The following GRK4 variants were observed in gnomAD, a reference collection of about 807,000 sequenced individuals.
GRK4 encodes G protein-coupled receptor kinase 2-like.
A neutral mutation model predicts 77.9 loss-of-function variants in GRK4; 73 were observed. The observed-to-expected ratio is 0.94, with a 90% CI of 0.78 to 1.14. The LOEUF is 1.14. Ranked by LOEUF, GRK4 falls within the 50% of genes most tolerant of loss-of-function variation. The pLI is 0.00. For missense variants in GRK4, 729 were observed against 700.2 expected, an observed-to-expected ratio of 1.04 and a Z score of -0.46; for synonymous variants, 257 against 254.4, an observed-to-expected ratio of 1.01 and a Z score of -0.10.
In GRK4 at chr4:3,001,354, CAT is replaced by C. The variant is rs1265017845; in HGVS notation, c.340-2862_340-2861del. 9.2e-4 allele frequency among the ~76,000 whole-genome samples: 95 copies of C among 103,310 alleles called. 6 individuals are homozygous for C. Among genetic ancestry groups the C allele is most frequent in the East Asian group, 2.8e-3 (12 of 4,328 alleles). The allele number at this position is 103,310 out of a possible 152,430, so 67.8% of individuals were successfully genotyped here. On this transcript the variant is annotated intron_variant, in intron 4 of 15. Transcript: ENST00000398052. ...ACACACACACACACACACACACACA[CAT>C]ATATATATATATATTTTTTTTTTTT... is the stretch of plus-strand genomic sequence containing the variant.
intron 9 of GRK4, among the ~76,000 whole-genome samples, chr4:3,021,891 T>A (rs1736190643): frequency 6.6e-6 from 1 of 152,178 alleles, no homozygotes; most frequent in Non-Finnish European, 1.5e-5. Flanking sequence ...GGCTGCACCA[T>A]GTCTGCCCCA....
intron 5 of GRK4, among the ~76,000 whole-genome samples, chr4:3,005,461 G>A (rs564313925): frequency 8.0e-4 from 122 of 152,290 alleles, no homozygotes; most frequent in Non-Finnish European, 1.5e-3. Context: ...TCCGAGCATA[G>A]TGGGGCTGGG....
In GRK4 at chr4:3,022,460, G is replaced by C; in HGVS notation, c.970+9G>C. 1 of 1,613,506 alleles carries C rather than the reference G, an allele frequency of 6.2e-7. No homozygotes were observed. Among genetic ancestry groups the C allele is most frequent in the African/African-American group, 1.3e-5 (1 of 75,012 alleles). ...TCTCCTTGATGATCGTGGTAAGTGGGCAAGCCTTTCACATCTAATGGGTAG... is the reference window on the plus strand; with the variant it reads ...TCTCCTTGATGATCGTGGTAAGTGGCCAAGCCTTTCACATCTAATGGGTAG... On this transcript the variant is annotated intron_variant, in intron 10 of 15. Coordinates refer to ENST00000398052, the MANE Select transcript of GRK4 (RefSeq NM_182982.3).
intron 7 of GRK4, among the ~76,000 whole-genome samples, chr4:3,012,358 G>A (rs1014579444): frequency 6.6e-6 from 1 of 152,174 alleles, no homozygotes; most frequent in African/African-American, 2.4e-5. Context: ...GCCATGAAAG[G>A]CTGGAGTGGT....
intron 10 of GRK4, among the ~76,000 whole-genome samples, chr4:3,026,192 C>A (rs1737510416): frequency 6.6e-6 from 1 of 152,172 alleles, no homozygotes; most frequent in African/African-American, 2.4e-5. Flanking sequence ...AGATTCCGCT[C>A]CAGGGTGTTT....
At chr4:3,012,911 G>A (rs1246186431) in intron 7 of GRK4, among the ~76,000 whole-genome samples, 1 of 151,982 alleles carries the variant, frequency 6.6e-6, no homozygotes, top group African/African-American at 2.4e-5. Flanking sequence ...GAAGGCCAAA[G>A]TGGGCAGATC....
In GRK4 at chr4:3,040,691, C is replaced by A; in HGVS notation, c.*66C>A. 7.4e-7 allele frequency: 1 copy of A among 1,347,698 alleles called. No individual in the cohort carries two copies. Among genetic ancestry groups the A allele is most frequent in the Non-Finnish European group, 1.0e-6 (1 of 953,348 alleles). 83.5% of individuals were successfully genotyped at this position (1,347,698 alleles called of 1,614,324 possible). ...AAGGAGCATGTGTTAGCGTCTCGTC[C>A]CACCTGGAATTGTAATAAATACATC... On this transcript the variant is annotated 3_prime_UTR_variant, in exon 16 of 16. Transcript: ENST00000398052.
chr4:2,979,830 G>A (rs1483531823), intron 1 of GRK4, among the ~76,000 whole-genome samples: 4 of 152,186 alleles, frequency 2.6e-5, no homozygotes, highest in Non-Finnish European at 5.9e-5. Context: ...AGTGAGACTT[G>A]CATTCTGCAT....
chr4:3,010,634 C>T (rs145730529), intron 7 of GRK4, among the ~76,000 whole-genome samples: 146 of 152,218 alleles, frequency 9.6e-4, no homozygotes, highest in African/African-American at 3.2e-3. Context: ...TATTAATTAC[C>T]TTACTAGTTA....
intron 1 of GRK4, chr4:2,965,382 A>T (rs1560328294): frequency 1.4e-6 from 1 of 702,884 alleles, no homozygotes; most frequent in African/African-American, 1.7e-5. Context: ...AGAGCCTCGG[A>T]CCTCAAGTCC....
At chr4:2,973,669 C>G (rs1053445815) in intron 1 of GRK4, among the ~76,000 whole-genome samples, 3 of 152,344 alleles carry the variant, frequency 2.0e-5, no homozygotes, top group African/African-American at 4.8e-5. Context: ...TTTCTCACCT[C>G]CTCCACTGCT....
At chr4:3,004,954 C>T (rs950582982) in intron 5 of GRK4, among the ~76,000 whole-genome samples, 1 of 151,932 alleles carries the variant, frequency 6.6e-6, no homozygotes, top group African/African-American at 2.4e-5. Context: ...CATGTACACA[C>T]GAGGCACACT....
rs762680427 is a variant in GRK4, at chr4:3,027,929, G to C, written c.988G>C (p.Asp330His). 1 of 1,614,074 alleles carries C rather than the reference G, an allele frequency of 6.2e-7. No homozygotes were observed. Among genetic ancestry groups the C allele is most frequent in the Non-Finnish European group, 8.5e-7 (1 of 1,180,008 alleles). Residue 330 changes from aspartate to histidine, a missense_variant, in exon 11 of 16, where the codon GAC becomes CAC. Transcript: ENST00000398052. Reference sequence around the variant, plus strand: ...ACACACAGGACACATCCGGATTTCAGACCTCGGTTTGGCCACAGAGATCCC... The same window carrying C: ...ACACACAGGACACATCCGGATTTCACACCTCGGTTTGGCCACAGAGATCCC... ...LDDRGHIRIS[D>H]LGLATEIPEG...
intron 12 of GRK4, among the ~76,000 whole-genome samples, chr4:3,030,354 C>A (rs2110056785): frequency 6.6e-6 from 1 of 152,310 alleles, no homozygotes; most frequent in East Asian, 1.9e-4. Flanking sequence ...CCCTCACTGC[C>A]CAGACACTCA....
chr4:3,036,877 A>G (rs1740801242), intron 13 of GRK4, among the ~76,000 whole-genome samples: 1 of 152,062 alleles, frequency 6.6e-6, no homozygotes, highest in Non-Finnish European at 1.5e-5. Flanking sequence ...CAGGGGCGAG[A>G]ATTGTCACTA....
intron 3 of GRK4, among the ~76,000 whole-genome samples, chr4:2,990,305 G>A (rs1272158048): frequency 1.4e-5 from 2 of 139,258 alleles, no homozygotes; most frequent in Non-Finnish European, 3.0e-5. Context: ...CCTCCAGGCT[G>A]GAGTGCTATG....
intron 5 of GRK4, among the ~76,000 whole-genome samples, chr4:3,004,721 C>T (rs766667476): frequency 1.3e-5 from 2 of 151,848 alleles, no homozygotes; most frequent in Non-Finnish European, 1.5e-5. Flanking sequence ...GGAAATGGAT[C>T]ATCATAAAGG....
intron 4 of GRK4, among the ~76,000 whole-genome samples, chr4:2,994,400 G>A (rs1020795337): frequency 9.9e-5 from 15 of 152,064 alleles, no homozygotes; most frequent in East Asian, 3.9e-4. Flanking sequence ...TAGTACAGAC[G>A]GGGTTTTGCC....
intron 3 of GRK4, among the ~76,000 whole-genome samples, chr4:2,990,905 T>C (rs1725964088): frequency 6.6e-6 from 1 of 152,174 alleles, no homozygotes; most frequent in Admixed American, 6.5e-5. Context: ...GCTTTGACTA[T>C]CCTCGTGATA....
Sources: allele counts gnomAD v4.1 joint callset (sites outside exome capture counted in the v4.1 genomes callset), GRCh38; gene constraint gnomAD v4.1.1; transcripts MANE v1.5; gene names NCBI Gene and HGNC (gene_info 2026-07-23, HGNC 2026-07-21).